FAM135B: variants seen among roughly 807,000 people sequenced by gnomAD.
FAM135B encodes protein FAM135B.
Under a neutral mutation model 127.7 loss-of-function variants are expected in FAM135B, and 43 were observed. The observed-to-expected ratio is 0.34, with a 90% CI of 0.26 to 0.43. The LOEUF is 0.43. FAM135B is among the 20% of genes least tolerant of loss of function. The pLI, the probability that FAM135B is intolerant of heterozygous loss-of-function variation, is 1.00. For synonymous variants in FAM135B, 670 were observed against 665.1 expected (o/e 1.01, Z -0.11); for missense variants, 1,558 against 1,725.6 (o/e 0.90, Z 1.72).
At chr8:138,162,416 C>T (rs1819492057) in intron 12 of FAM135B, among the ~76,000 whole-genome samples, 1 of 152,092 alleles carries the variant, frequency 6.6e-6, no homozygotes, top group South Asian at 2.1e-4. Context: ...GAATGTGCAA[C>T]ATAAAGAAGG....
At chr8:138,379,727 T>A (rs1377199573) in intron 1 of FAM135B, among the ~76,000 whole-genome samples, 1 of 152,150 alleles carries the variant, frequency 6.6e-6, no homozygotes, top group Non-Finnish European at 1.5e-5. Context: ...CTCTCCTCCT[T>A]GAGAAACTTA....
chr8:138,215,303 C>T (rs544847013), intron 7 of FAM135B, among the ~76,000 whole-genome samples: 10 of 152,072 alleles, frequency 6.6e-5, no homozygotes, highest in South Asian at 2.1e-4. Flanking sequence ...AATTAGATAA[C>T]GTGTGCAAGA....
At chr8:138,494,729 C>A (rs1286144975) in intron 1 of FAM135B, among the ~76,000 whole-genome samples, 1 of 151,840 alleles carries the variant, frequency 6.6e-6, no homozygotes, top group Non-Finnish European at 1.5e-5. Context: ...AAACACCTGA[C>A]ATTACAGAGC....
Position 138,241,448 on chromosome 8 carries a change from T to G in FAM135B, c.669+1494A>C, listed in dbSNP as rs150036582. Among the ~76,000 whole-genome samples the G allele has an allele frequency of 4.3e-4, 66 of 152,260 alleles. No homozygotes were observed. Among genetic ancestry groups the G allele is most frequent in the African/African-American group, 1.4e-3 (60 of 41,558 alleles). ...AGCAGGTTCTTGACAACTCTTTTCT[T>G]TGCTTCTCAGGACCATAAAATCATG... is the stretch of plus-strand genomic sequence containing the variant. On this transcript the variant is annotated intron_variant, in intron 7 of 19. Transcript: ENST00000395297. This position sits in a 1 kb window ranked among gnomAD's most constrained non-coding sequence, Gnocchi z 4.8.
intron 2 of FAM135B, chr8:138,367,382 C>A (rs1187400385): frequency 2.2e-6 from 1 of 456,046 alleles, no homozygotes; most frequent in Admixed American, 2.4e-5. Flanking sequence ...ATATCACCTG[C>A]ACGTGAAATG....
intron 3 of FAM135B, among the ~76,000 whole-genome samples, chr8:138,273,222 T>C (rs565978240): frequency 2.3e-4 from 35 of 152,316 alleles, no homozygotes; most frequent in African/African-American, 7.9e-4. Context: ...TGTTTTGTTT[T>C]TGAGATGGAG....
At chr8:138,272,309 A>G (rs892943581) in intron 3 of FAM135B, among the ~76,000 whole-genome samples, 3 of 152,164 alleles carry the variant, frequency 2.0e-5, no homozygotes, top group Non-Finnish European at 4.4e-5. Flanking sequence ...AAATACAAAA[A>G]TGGAGGGATA....
intron 2 of FAM135B, among the ~76,000 whole-genome samples, chr8:138,362,812 C>T (rs1282106997): frequency 4.6e-5 from 7 of 152,192 alleles, no homozygotes; most frequent in Non-Finnish European, 1.0e-4. Flanking sequence ...CAGCCTCTCT[C>T]ATTAGCTGGT....
rs1816089105 is a variant in FAM135B at position 138,130,212 on chromosome 8, T to A, written c.*2381A>T. On this transcript the variant is annotated 3_prime_UTR_variant, in exon 20 of 20. Coordinates refer to ENST00000395297, the MANE Select transcript of FAM135B (RefSeq NM_015912.4). ...ACATAATATATATTTATATATATTT[T>A]ATGTATATATATTTATATATTCGAT... 6.7e-6 allele frequency: 1 copy of A among 149,560 alleles called. No homozygotes were observed. The highest frequency in any genetic ancestry group is 1.5e-5 in the Non-Finnish European group (1 of 67,508). 9.3% of individuals were successfully genotyped at this position (149,560 alleles called of 1,614,324 possible). A position where few individuals can be genotyped will look rare whatever the true frequency, so the allele number is the denominator to read the frequency against.
intron 2 of FAM135B, among the ~76,000 whole-genome samples, chr8:138,349,855 G>A (rs1056519198): frequency 7.2e-5 from 11 of 152,192 alleles, no homozygotes; most frequent in South Asian, 2.1e-4. Flanking sequence ...TTTCAATCCC[G>A]GACATACCAT....
At chr8:138,438,754 T>C (rs1835601391) in intron 1 of FAM135B, 1 of 152,296 alleles carries the variant, frequency 6.6e-6, no homozygotes, top group African/African-American at 2.4e-5. Flanking sequence ...AGACATCACC[T>C]GAGGATGATG....
At chr8:138,314,252 A>G (rs1826907813) in intron 2 of FAM135B, among the ~76,000 whole-genome samples, 2 of 152,216 alleles carry the variant, frequency 1.3e-5, no homozygotes, top group African/African-American at 2.4e-5. Context: ...TCAGTTTGGC[A>G]GAAATGTGAC....
chr8:138,191,623 G>C (rs1265801702), intron 9 of FAM135B, among the ~76,000 whole-genome samples: 1 of 152,152 alleles, frequency 6.6e-6, no homozygotes, highest in Non-Finnish European at 1.5e-5. Flanking sequence ...AAGAACACCG[G>C]ATCTGGGAAG....
intron 1 of FAM135B, among the ~76,000 whole-genome samples, chr8:138,406,675 T>C (rs1157581540): frequency 2.6e-5 from 4 of 151,780 alleles, no homozygotes; most frequent in South Asian, 2.1e-4. Flanking sequence ...ATTATCTCAA[T>C]AGATGCAGAA....
At chr8:138,434,275 A>G (rs1835349328) in intron 1 of FAM135B, among the ~76,000 whole-genome samples, 1 of 152,176 alleles carries the variant, frequency 6.6e-6, no homozygotes, top group Non-Finnish European at 1.5e-5. Flanking sequence ...GTTGTTTCTG[A>G]ATCTCTTTGA....
intron 1 of FAM135B, among the ~76,000 whole-genome samples, chr8:138,490,870 C>T (rs745788967): frequency 2.2e-4 from 34 of 152,240 alleles, no homozygotes; most frequent in African/African-American, 3.8e-4. Flanking sequence ...AGGCCAGGCG[C>T]GGTGGATCAT....
chr8:138,378,733 G>C (rs1270831860), intron 1 of FAM135B, among the ~76,000 whole-genome samples: 1 of 149,402 alleles, frequency 6.7e-6, no homozygotes, highest in Non-Finnish European at 1.5e-5. Context: ...GTGTATGTTT[G>C]CTTTTTTTTT....
At chr8:138,150,157 G>A (rs1366989364) in intron 13 of FAM135B, among the ~76,000 whole-genome samples, 1 of 152,120 alleles carries the variant, frequency 6.6e-6, no homozygotes, top group Non-Finnish European at 1.5e-5. Flanking sequence ...TTATAGATGG[G>A]AGAGCAATAT....
chr8:138,160,543 C>T (rs921670436), intron 12 of FAM135B, among the ~76,000 whole-genome samples: 2 of 146,038 alleles, frequency 1.4e-5, no homozygotes, highest in Non-Finnish European at 3.0e-5. Flanking sequence ...CACATGCCAC[C>T]ATGCCCAGCT....
Sources: allele counts gnomAD v4.1 joint callset (sites outside exome capture counted in the v4.1 genomes callset), GRCh38; gene constraint gnomAD v4.1.1; non-coding constraint Gnocchi (gnomAD v3.1); transcripts MANE v1.5; gene names NCBI Gene and HGNC (gene_info 2026-07-23, HGNC 2026-07-21).